DOCK4: variants seen among roughly 807,000 people sequenced by gnomAD.
DOCK4 encodes dedicator of cytokinesis protein 4.
DOCK4 carries 97 observed loss-of-function variants against 268.1 expected under a neutral mutation model. The ratio of observed to expected loss-of-function variants is 0.36; its 90% CI spans 0.31 to 0.43. DOCK4 has a LOEUF of 0.43. Ranked by LOEUF, DOCK4 falls within the 20% of genes least tolerant of loss-of-function variation. The pLI, the probability that DOCK4 is intolerant of heterozygous loss-of-function variation, is 1.00. For synonymous variants in DOCK4, 954 were observed against 887.2 expected (o/e 1.08, Z -1.34); for missense variants, 2,145 against 2,455.7 (o/e 0.87, Z 2.67).
intron 1 of DOCK4, among the ~76,000 whole-genome samples, chr7:112,011,221 C>A (rs373480972): frequency 6.6e-6 from 1 of 152,228 alleles, no homozygotes; most frequent in Admixed American, 6.5e-5. Flanking sequence ...AGATCAACTT[C>A]GCCCTCTGGC....
At chr7:112,128,346 G>A (rs1430373854) in intron 1 of DOCK4, among the ~76,000 whole-genome samples, 2 of 152,094 alleles carry the variant, frequency 1.3e-5, no homozygotes, top group Admixed American at 6.5e-5. Context: ...GGTGAGGGGC[G>A]CCTCTGCCCG....
chr7:111,810,958 C>T (rs1190298586), intron 28 of DOCK4, among the ~76,000 whole-genome samples: 2 of 152,126 alleles, frequency 1.3e-5, no homozygotes, highest in East Asian at 1.9e-4. Context: ...GCCGAGACTG[C>T]GTCACTGCAT....
chr7:112,040,729 G>A (rs74510801), intron 1 of DOCK4, among the ~76,000 whole-genome samples: 4,772 of 152,114 alleles, frequency 0.031, 205 homozygotes, highest in African/African-American at 0.095. Context: ...TAAATAGGTA[G>A]ATGCTAAGGC....
chr7:111,758,491 A>G, intron 41 of DOCK4, 133 bp downstream of exon 41: 1 of 1,038,230 alleles, frequency 9.6e-7, no homozygotes. Flanking sequence ...GAACCACTAG[A>G]CTAAATGATT....
chr7:112,107,049 C>G (rs1324486981), intron 1 of DOCK4, among the ~76,000 whole-genome samples: 1 of 152,116 alleles, frequency 6.6e-6, no homozygotes, highest in African/African-American at 2.4e-5. Flanking sequence ...TTGATTTAAT[C>G]AAAATTAACT....
chr7:111,786,204 G>A (rs1048449251), intron 32 of DOCK4, among the ~76,000 whole-genome samples: 4 of 152,214 alleles, frequency 2.6e-5, no homozygotes, highest in Non-Finnish European at 5.9e-5. Flanking sequence ...GGAGAAGGCA[G>A]AGCGAAAGAC....
At chr7:112,021,325 C>T (rs1048129657) in intron 1 of DOCK4, among the ~76,000 whole-genome samples, 7 of 152,136 alleles carry the variant, frequency 4.6e-5, no homozygotes, top group African/African-American at 1.4e-4. Flanking sequence ...AATGTTTCAT[C>T]TATATAGGAG....
intron 7 of DOCK4, among the ~76,000 whole-genome samples, chr7:111,983,856 G>GCACACACACACACACACACACA (rs1454832356): frequency 5.4e-5 from 5 of 92,000 alleles, no homozygotes; most frequent in African/African-American, 1.8e-4. Flanking sequence ...GCGCGCGCGC[G>GCACACACACACACACACACACA]CGCGCGCACA....
chr7:112,021,601 C>A (rs1263131228), intron 1 of DOCK4, among the ~76,000 whole-genome samples: 1 of 152,236 alleles, frequency 6.6e-6, no homozygotes, highest in African/African-American at 2.4e-5. Flanking sequence ...CACAGTATTT[C>A]ATCCAAAAAG....
At chr7:112,062,551 T>C (rs1806518660) in intron 1 of DOCK4, among the ~76,000 whole-genome samples, 1 of 152,198 alleles carries the variant, frequency 6.6e-6, no homozygotes, top group African/African-American at 2.4e-5. Context: ...ATCTCTGCTG[T>C]ATCTCCAGTA....
chr7:112,180,123 G>A (rs187974607), intron 1 of DOCK4, among the ~76,000 whole-genome samples: 1 of 152,254 alleles, frequency 6.6e-6, no homozygotes, highest in East Asian at 1.9e-4. Context: ...TCAGTACCAT[G>A]TAGGCATAGT....
chr7:112,153,593 G>A (rs1816307080), intron 1 of DOCK4, among the ~76,000 whole-genome samples: 1 of 152,152 alleles, frequency 6.6e-6, no homozygotes, highest in South Asian at 2.1e-4. Context: ...CTCTAAGTCA[G>A]TTGTCTGTTT....
At chr7:111,957,718 T>C (rs949311247) in intron 8 of DOCK4, among the ~76,000 whole-genome samples, 2 of 152,162 alleles carry the variant, frequency 1.3e-5, no homozygotes, top group Non-Finnish European at 2.9e-5. Context: ...CAAATGAGTG[T>C]ATGGCCCTGA....
intron 6 of DOCK4, among the ~76,000 whole-genome samples, chr7:111,987,117 A>G (rs1799112037): frequency 6.6e-6 from 1 of 152,244 alleles, no homozygotes; most frequent in African/African-American, 2.4e-5. Context: ...CATAGCTCAG[A>G]AAATTCATGA....
At chr7:112,056,926 A>C (rs1048841466) in intron 1 of DOCK4, among the ~76,000 whole-genome samples, 6 of 152,160 alleles carry the variant, frequency 3.9e-5, no homozygotes, top group Admixed American at 2.0e-4. Flanking sequence ...ATTAAACATA[A>C]CTATATATTG....
intron 1 of DOCK4, among the ~76,000 whole-genome samples, chr7:112,098,072 A>G (rs1810314270): frequency 6.6e-6 from 1 of 152,230 alleles, no homozygotes; most frequent in African/African-American, 2.4e-5. Flanking sequence ...CACTGAAATG[A>G]AAAGTCATAT....
intron 27 of DOCK4, among the ~76,000 whole-genome samples, chr7:111,814,835 C>T (rs1801422480): frequency 6.6e-6 from 1 of 152,140 alleles, no homozygotes; most frequent in Non-Finnish European, 1.5e-5. Flanking sequence ...GTGAGCCTTT[C>T]AGGGACTTTC....
intron 13 of DOCK4, among the ~76,000 whole-genome samples, chr7:111,911,645 A>G (rs1389819532): frequency 6.6e-6 from 1 of 152,212 alleles, no homozygotes; most frequent in East Asian, 1.9e-4. Flanking sequence ...GTTCATGCCC[A>G]TCATTAAAGC....
chr7:112,174,090 T>C (rs1818307267), intron 1 of DOCK4, among the ~76,000 whole-genome samples: 1 of 146,838 alleles, frequency 6.8e-6, no homozygotes, highest in Admixed American at 6.8e-5. Context: ...TGTTCTGTCC[T>C]GGCCTATTCC....
Sources: gnomAD v4.1 joint callset for allele counts (sites outside exome capture counted in the v4.1 genomes callset) on GRCh38, gnomAD v4.1.1 for gene constraint, MANE v1.5 for transcripts, NCBI Gene and HGNC (gene_info 2026-07-23, HGNC 2026-07-21) for gene names.